Variants in TRAPPC9 observed in about 807,000 individuals in gnomAD.
The protein encoded by TRAPPC9 is trafficking protein particle complex subunit 9, also known as IKK2 binding protein.
TRAPPC9 carries 83 observed loss-of-function variants against 124.0 expected under a neutral mutation model. The observed-to-expected ratio is 0.67, with a 90% CI of 0.56 to 0.80. The LOEUF (loss-of-function observed/expected upper bound fraction) is 0.80, where lower values mean the gene tolerates loss of function less well. TRAPPC9 is among the 30% of genes least tolerant of loss of function. The pLI, the probability that TRAPPC9 is intolerant of heterozygous loss-of-function variation, is 0.00. For missense variants in TRAPPC9, 1,302 were observed against 1,508.3 expected, an observed-to-expected ratio of 0.86 and a Z score of 2.27; for synonymous variants, 638 against 617.5, an observed-to-expected ratio of 1.03 and a Z score of -0.49.
At chr8:140,315,796 G>A (rs202038428) in intron 9 of TRAPPC9, among the ~76,000 whole-genome samples, 2 of 152,092 alleles carry the variant, frequency 1.3e-5, no homozygotes, top group East Asian at 3.8e-4. Flanking sequence ...AATTACACAG[G>A]AAACACTGTC....
chr8:140,448,608 C>T (rs2071349533), intron 2 of TRAPPC9, among the ~76,000 whole-genome samples: 1 of 152,246 alleles, frequency 6.6e-6, no homozygotes, highest in African/African-American at 2.4e-5. Context: ...ATTCCTGACC[C>T]ATGCTGCCTG....
chr8:140,052,546 C>T (rs1245863371), intron 17 of TRAPPC9, among the ~76,000 whole-genome samples: 1 of 152,110 alleles, frequency 6.6e-6, no homozygotes, highest in African/African-American at 2.4e-5. Context: ...CTTTGGGAGG[C>T]CAAGGTGGGC....
At chr8:140,168,410 C>T (rs927162960) in intron 17 of TRAPPC9, among the ~76,000 whole-genome samples, 37 of 152,256 alleles carry the variant, frequency 2.4e-4, no homozygotes, top group Admixed American at 8.5e-4. Flanking sequence ...GCAGCTGATG[C>T]CCCTTCTCCC....
intron 21 of TRAPPC9, among the ~76,000 whole-genome samples, chr8:139,759,340 T>G (rs1397580956): frequency 6.6e-6 from 1 of 152,110 alleles, no homozygotes; most frequent in Non-Finnish European, 1.5e-5. Flanking sequence ...ACTAGGCTCT[T>G]TACATACATG....
chr8:140,193,984 C>G (rs1265331324), intron 17 of TRAPPC9, among the ~76,000 whole-genome samples: 3 of 152,196 alleles, frequency 2.0e-5, no homozygotes, highest in African/African-American at 4.8e-5. Context: ...TCAGAAAACA[C>G]AGGGTCCAGT....
intron 21 of TRAPPC9, among the ~76,000 whole-genome samples, chr8:139,774,065 A>G (rs1248294808): frequency 6.6e-6 from 1 of 152,224 alleles, no homozygotes; most frequent in Admixed American, 6.5e-5. Flanking sequence ...CAGGCTGCTG[A>G]GAGCGCAGTG....
intron 17 of TRAPPC9, among the ~76,000 whole-genome samples, chr8:140,078,046 C>T (rs1843611292): frequency 1.3e-5 from 2 of 152,328 alleles, no homozygotes; most frequent in Middle Eastern, 3.4e-3. Flanking sequence ...GCAAGGCAAA[C>T]TGTCTTCAAA....
intron 18 of TRAPPC9, among the ~76,000 whole-genome samples, chr8:139,990,095 C>T (rs1318353078): frequency 6.6e-6 from 1 of 152,194 alleles, no homozygotes; most frequent in Non-Finnish European, 1.5e-5. Context: ...GACTTCAAAA[C>T]ATGGCCTTCC....
chr8:140,050,715 TGGGGA>T (rs1207792561), intron 17 of TRAPPC9, among the ~76,000 whole-genome samples: 1 of 151,766 alleles, frequency 6.6e-6, no homozygotes, highest in East Asian at 1.9e-4. Flanking sequence ...AGATGGGGGC[TGGGGA>T]GGGAAGAAGG....
chr8:140,335,035 G>A (rs1216949373), intron 9 of TRAPPC9, among the ~76,000 whole-genome samples: 1 of 152,122 alleles, frequency 6.6e-6, no homozygotes, highest in African/African-American at 2.4e-5. Context: ...AGTATGCAAT[G>A]AGCCTAGAAA....
chr8:139,933,765 G>C (rs1489678172), intron 19 of TRAPPC9: 2 of 152,220 alleles, frequency 1.3e-5, no homozygotes, highest in African/African-American at 4.8e-5. Flanking sequence ...ATACATATTT[G>C]AGATTAACCA....
chr8:140,298,787 T>A (rs1032593171), intron 11 of TRAPPC9, among the ~76,000 whole-genome samples: 31 of 152,232 alleles, frequency 2.0e-4, no homozygotes, highest in Non-Finnish European at 5.9e-5. Flanking sequence ...GACATGACAC[T>A]TAAACGTCGT....
At chr8:139,915,426 T>G (rs1221961658) in intron 19 of TRAPPC9, among the ~76,000 whole-genome samples, 1 of 152,150 alleles carries the variant, frequency 6.6e-6, no homozygotes, top group Non-Finnish European at 1.5e-5. Flanking sequence ...TTTGTATTTT[T>G]AGTAGAGATG....
intron 17 of TRAPPC9, chr8:140,096,763 G>A (rs1343059661): frequency 6.6e-6 from 1 of 152,188 alleles, no homozygotes; most frequent in Non-Finnish European, 1.5e-5. Flanking sequence ...GAGAGGAGTG[G>A]TTGGAATTGA....
intron 21 of TRAPPC9, among the ~76,000 whole-genome samples, chr8:139,777,321 A>G (rs2130496725): frequency 6.6e-6 from 1 of 152,298 alleles, no homozygotes; most frequent in Non-Finnish European, 1.5e-5. Context: ...AGAGAGCTTC[A>G]TTTTTCTAAA....
At chr8:140,004,017 A>AAT (rs879571038) in intron 18 of TRAPPC9, among the ~76,000 whole-genome samples, 17 of 152,352 alleles carry the variant, frequency 1.1e-4, no homozygotes, top group Non-Finnish European at 1.6e-4. Context: ...CTCAGAAATA[A>AAT]AAAGGATCAA....
chr8:139,822,624 C>CA (rs565772541), intron 21 of TRAPPC9, among the ~76,000 whole-genome samples: 3 of 151,216 alleles, frequency 2.0e-5, no homozygotes, highest in Non-Finnish European at 4.4e-5. Flanking sequence ...CGTAGGATGG[C>CA]GGGGGGGGGC....
chr8:140,360,335 G>T, intron 8 of TRAPPC9, 142 bp from the exon 9 acceptor site: 1 of 1,124,540 alleles, frequency 8.9e-7, no homozygotes, highest in Non-Finnish European at 1.3e-6. Flanking sequence ...TATTTCCTCT[G>T]CTTTTAATGA....
In TRAPPC9 at chr8:140,107,672, C is replaced by T. The variant is rs971161309; in HGVS notation, c.2557-83593G>A. On this transcript the variant is annotated intron_variant, in intron 17 of 22. Coordinates refer to ENST00000438773, the MANE Select transcript of TRAPPC9 (RefSeq NM_001160372.4). ...TGCCTCAGGCAGTAGGTAAGCATGG[C>T]CAAGGCTTACAGGCGAAGGCATGGA... 3.3e-5 allele frequency among the ~76,000 whole-genome samples: 5 copies of T among 152,168 alleles called. 1 individual carries two copies. In the South Asian group the frequency reaches 8.3e-4, roughly 25 times the overall value.
Sources: gnomAD v4.1 joint callset for allele counts (sites outside exome capture counted in the v4.1 genomes callset) on GRCh38, gnomAD v4.1.1 for gene constraint, MANE v1.5 for transcripts, NCBI Gene and HGNC (gene_info 2026-07-23, HGNC 2026-07-21) for gene names.